The following RMST variants were observed in gnomAD, a reference collection of about 807,000 sequenced individuals.
The protein encoded by RMST is long intergenic non-protein coding RNA 54.
At chr12:97,563,096 A>G (rs1386711405) in intron 13 of RMST, among the ~76,000 whole-genome samples, 1 of 152,140 alleles carries the variant, frequency 6.6e-6, no homozygotes, top group African/African-American at 2.4e-5. Context: ...TTTTAATAAT[A>G]CCAAGAGCAA....
intron 5 of RMST, among the ~76,000 whole-genome samples, chr12:97,489,319 C>T (rs1485486139): frequency 2.0e-5 from 3 of 151,962 alleles, no homozygotes; most frequent in Non-Finnish European, 4.4e-5. Context: ...TGGTGTCGTG[C>T]ACCTGTAGTC....
intron 5 of RMST, among the ~76,000 whole-genome samples, chr12:97,484,100 C>G (rs1264984740): frequency 6.6e-6 from 1 of 152,098 alleles, no homozygotes; most frequent in Non-Finnish European, 1.5e-5. Context: ...CTTTATTAAT[C>G]TAGTTCTACT....
At chr12:97,491,935 C>T in intron 5 of RMST, 1 of 533,774 alleles carries the variant, frequency 1.9e-6, no homozygotes, top group Non-Finnish European at 3.9e-6. Flanking sequence ...AAAGGCGCTT[C>T]TCCTTCTGAA....
intron 10 of RMST, among the ~76,000 whole-genome samples, chr12:97,526,054 C>G (rs932784387): frequency 1.3e-5 from 2 of 151,944 alleles, no homozygotes; most frequent in African/African-American, 4.8e-5. Flanking sequence ...TGCAGGAAAA[C>G]AAGCTCAGGG....
At chr12:97,555,573 A>G (rs771379051) in intron 11 of RMST, among the ~76,000 whole-genome samples, 1 of 152,236 alleles carries the variant, frequency 6.6e-6, no homozygotes, top group Non-Finnish European at 1.5e-5. Context: ...AAGTTGGTAT[A>G]ATTTCCCTTC....
chr12:97,510,341 A>G (rs990065701), intron 10 of RMST, among the ~76,000 whole-genome samples: 2 of 152,204 alleles, frequency 1.3e-5, no homozygotes, highest in Non-Finnish European at 2.9e-5. Context: ...CACAGAGAAA[A>G]TAAGATCTTT....
At chr12:97,540,156 T>A (rs548919520) in intron 11 of RMST, among the ~76,000 whole-genome samples, 1 of 151,832 alleles carries the variant, frequency 6.6e-6, no homozygotes, top group South Asian at 2.1e-4. Context: ...TAACCTTCTG[T>A]CTAACCACAG....
chr12:97,479,749 T>C (rs1451545718), intron 5 of RMST, among the ~76,000 whole-genome samples: 1 of 152,186 alleles, frequency 6.6e-6, no homozygotes, highest in Non-Finnish European at 1.5e-5. Context: ...CTGTACACTT[T>C]TCCTCAGTAC....
intron 10 of RMST, among the ~76,000 whole-genome samples, chr12:97,504,869 G>C (rs1037363696): frequency 3.3e-5 from 5 of 152,130 alleles, no homozygotes; most frequent in African/African-American, 9.7e-5. Context: ...CTGAGTTCTA[G>C]CCTTTGGACA....
intron 10 of RMST, among the ~76,000 whole-genome samples, chr12:97,502,217 G>A (rs1279612794): frequency 3.9e-5 from 6 of 152,152 alleles, no homozygotes; most frequent in Admixed American, 6.5e-5. Context: ...AAGTTCAAAT[G>A]AAACTGCTTC....
intron 10 of RMST, among the ~76,000 whole-genome samples, chr12:97,510,803 A>G (rs556903013): frequency 2.6e-5 from 4 of 152,216 alleles, no homozygotes; most frequent in African/African-American, 9.6e-5. Flanking sequence ...TCACCAGTCT[A>G]TTTTGACCCA....
At chr12:97,487,704 C>G (rs951843060) in intron 5 of RMST, among the ~76,000 whole-genome samples, 2 of 152,156 alleles carry the variant, frequency 1.3e-5, no homozygotes, top group East Asian at 1.9e-4. Flanking sequence ...AACTTCCCCA[C>G]ATAGTTACTG....
chr12:97,551,171 TAA>T (rs371319102), intron 11 of RMST, among the ~76,000 whole-genome samples: 65 of 132,300 alleles, frequency 4.9e-4, no homozygotes, highest in Non-Finnish European at 5.5e-4. Context: ...TCATTGTTTT[TAA>T]AAAAAAAAAA....
intron 10 of RMST, among the ~76,000 whole-genome samples, chr12:97,500,233 G>T (rs1247207520): frequency 1.3e-5 from 2 of 152,148 alleles, no homozygotes; most frequent in Non-Finnish European, 2.9e-5. Context: ...AACAGAAGCA[G>T]CCTGTCCTGC....
At chr12:97,541,895 A>G (rs1882569770) in intron 11 of RMST, among the ~76,000 whole-genome samples, 2 of 151,944 alleles carry the variant, frequency 1.3e-5, no homozygotes, top group South Asian at 4.1e-4. Context: ...CTATAGGAAC[A>G]TAAAACGTGC....
intron 5 of RMST, among the ~76,000 whole-genome samples, chr12:97,485,176 A>G (rs1331566391): frequency 2.6e-5 from 4 of 152,238 alleles, no homozygotes; most frequent in Non-Finnish European, 2.9e-5. Flanking sequence ...GCATGGATTA[A>G]TTCCAAAGAT....
At chr12:97,499,811 C>G (rs1018393937) in intron 10 of RMST, among the ~76,000 whole-genome samples, 20 of 151,998 alleles carry the variant, frequency 1.3e-4, no homozygotes, top group African/African-American at 4.8e-4. Flanking sequence ...AGGTGTGTGC[C>G]ACCACTCCTG....
chr12:97,551,300 A>G (rs1457805963), intron 11 of RMST, among the ~76,000 whole-genome samples: 1 of 146,892 alleles, frequency 6.8e-6, no homozygotes, highest in South Asian at 2.2e-4. Flanking sequence ...AAGGTAGATA[A>G]AGGAGAAAAA....
At chr12:97,471,088 G>A (rs545937968) in intron 5 of RMST, among the ~76,000 whole-genome samples, 11 of 152,138 alleles carry the variant, frequency 7.2e-5, no homozygotes, top group African/African-American at 2.4e-4. Context: ...AAGTTATTAA[G>A]ATAGAAATTT....
Sources: allele counts gnomAD v4.1 joint callset (sites outside exome capture counted in the v4.1 genomes callset), GRCh38; gene constraint gnomAD v4.1.1; transcripts MANE v1.5; gene names NCBI Gene and HGNC (gene_info 2026-07-23, HGNC 2026-07-21).